The following KIF6 variants were observed in gnomAD, a reference collection of about 807,000 sequenced individuals.
The protein encoded by KIF6 is kinesin family member 6, also known as kinesin-like protein KIF6.
Under a neutral mutation model 112.7 loss-of-function variants are expected in KIF6, and 106 were observed. The observed-to-expected ratio is 0.94, with a 90% CI of 0.80 to 1.11. The LOEUF is 1.11. Ranked by LOEUF, KIF6 falls within the 50% of genes least tolerant of loss-of-function variation. The pLI, the probability that KIF6 is intolerant of heterozygous loss-of-function variation, is 0.00. For missense variants in KIF6, 929 were observed against 964.0 expected (o/e 0.96, Z 0.48); for synonymous variants, 339 against 339.9 (o/e 1.00, Z 0.03).
intron 13 of KIF6, among the ~76,000 whole-genome samples, chr6:39,535,838 A>G (rs1159403320): frequency 1.3e-5 from 2 of 152,144 alleles, no homozygotes; most frequent in Admixed American, 1.3e-4. Flanking sequence ...GCAAATGTAA[A>G]AGAACAGAAA....
intron 5 of KIF6, among the ~76,000 whole-genome samples, chr6:39,625,626 C>T (rs946835408): frequency 2.0e-5 from 3 of 152,016 alleles, no homozygotes; most frequent in Non-Finnish European, 2.9e-5. Context: ...CCTAGGAGTC[C>T]CCTCAAATCC....
At chr6:39,714,125 A>G (rs1376004115) in intron 3 of KIF6, among the ~76,000 whole-genome samples, 1 of 152,134 alleles carries the variant, frequency 6.6e-6, no homozygotes, top group Non-Finnish European at 1.5e-5. Context: ...TCCTATTAAT[A>G]AATTGGCATT....
intron 10 of KIF6, among the ~76,000 whole-genome samples, chr6:39,572,738 G>A (rs571264829): frequency 2.2e-5 from 3 of 134,724 alleles, no homozygotes; most frequent in East Asian, 4.5e-4. Context: ...AATCTTCACC[G>A]AAGAAGTTCT....
At chr6:39,425,793 C>CAA (rs549490182) in intron 14 of KIF6, among the ~76,000 whole-genome samples, 13 of 62,940 alleles carry the variant, frequency 2.1e-4, no homozygotes, top group Admixed American at 5.6e-4. Context: ...GATGTAAATA[C>CAA]AAAAAAAAAA....
chr6:39,722,419 AG>A (rs1790271604), intron 1 of KIF6, among the ~76,000 whole-genome samples: 1 of 152,116 alleles, frequency 6.6e-6, no homozygotes, highest in Admixed American at 6.5e-5. Context: ...GAGATAGTGA[AG>A]TTTTTTTTTT....
intron 14 of KIF6, among the ~76,000 whole-genome samples, chr6:39,421,560 C>G (rs1770362211): frequency 6.6e-6 from 1 of 152,146 alleles, no homozygotes; most frequent in Admixed American, 6.5e-5. Context: ...GCCAGAGTGC[C>G]ACGACTGCTC....
intron 6 of KIF6, among the ~76,000 whole-genome samples, 177 bp from the exon 7 acceptor site, chr6:39,596,437 C>G (rs575288579): frequency 3.8e-4 from 58 of 152,256 alleles, no homozygotes; most frequent in African/African-American, 1.4e-3. Context: ...TGTATTACCT[C>G]TTGGATTACT....
chr6:39,400,400 G>A (rs1768602333), intron 15 of KIF6, among the ~76,000 whole-genome samples: 1 of 152,190 alleles, frequency 6.6e-6, no homozygotes, highest in African/African-American at 2.4e-5. Flanking sequence ...GGTTAAATGT[G>A]TTCCTTTTTG....
Position 39,540,017 on chromosome 6 carries a change from A to T in KIF6, c.1631T>A (p.Leu544His), listed in dbSNP as rs1164295237. The stretch of plus-strand genomic sequence containing the variant: ...AGTCAACTGACCTATTTTCTTGTGG[A>T]GCAAACTGGATCTTTTCCCCAAAAT... ...FSILGKRSSL[L>H]HKKIGMREEM... Residue 544 changes from leucine (L) to histidine (H), a missense_variant, in exon 13 of 23, where the codon CTC becomes CAC. By Grantham distance (99) the Leu-to-His change is moderately conservative (BLOSUM62 -3). Coordinates refer to ENST00000287152, the MANE Select transcript of KIF6 (RefSeq NM_145027.6). The T allele has an allele frequency of 6.2e-7, 1 of 1,604,440 alleles. No individual in the cohort carries two copies. Among genetic ancestry groups the T allele is most frequent in the Non-Finnish European group, 8.5e-7 (1 of 1,176,522 alleles).
chr6:39,698,994 C>T, intron 3 of KIF6, among the ~76,000 whole-genome samples: 1 of 152,176 alleles, frequency 6.6e-6, no homozygotes, highest in East Asian at 1.9e-4. Context: ...TTTTGGCTTG[C>T]GTAGCAGCTG....
At chr6:39,424,613 T>C (rs1412112915) in intron 14 of KIF6, among the ~76,000 whole-genome samples, 2 of 152,208 alleles carry the variant, frequency 1.3e-5, no homozygotes, top group African/African-American at 4.8e-5. Flanking sequence ...CCTCACCTCT[T>C]AGCGACTGGG....
At position 39,378,441 on chromosome 6, in the gene KIF6, A is replaced by G. The variant is rs1766636777; in HGVS notation, c.1861+7181T>C. On this transcript the variant is annotated intron_variant, in intron 16 of 22. Coordinates refer to ENST00000287152, the MANE Select transcript of KIF6 (RefSeq NM_145027.6). This position sits in a 1 kb window ranked among gnomAD's most constrained non-coding sequence, Gnocchi z 5.0. ...ATACACATGCATACAACATATATCC[A>G]TACCACATACACACACACCACATGC... Among the ~76,000 whole-genome samples the G allele has an allele frequency of 6.6e-6, 1 of 152,098 alleles. No homozygotes were observed. The highest frequency in any genetic ancestry group is 1.5e-5 in the Non-Finnish European group (1 of 67,996).
chr6:39,680,215 C>T (rs1787435408), intron 3 of KIF6, among the ~76,000 whole-genome samples: 1 of 151,128 alleles, frequency 6.6e-6, no homozygotes, highest in South Asian at 2.1e-4. Flanking sequence ...GCCATGTTGG[C>T]CAGGCTGGTT....
At chr6:39,643,850 T>C (rs991302938) in intron 3 of KIF6, among the ~76,000 whole-genome samples, 3 of 152,098 alleles carry the variant, frequency 2.0e-5, no homozygotes, top group African/African-American at 7.2e-5. Context: ...AATTTTGTGT[T>C]TCAAAAGACA....
At chr6:39,676,318 C>T (rs961057801) in intron 3 of KIF6, among the ~76,000 whole-genome samples, 5 of 38,622 alleles carry the variant, frequency 1.3e-4, no homozygotes, top group Non-Finnish European at 3.0e-4. Context: ...GTGATGGAAT[C>T]GTTATCTTCA....
intron 13 of KIF6, among the ~76,000 whole-genome samples, chr6:39,436,638 GTA>G (rs1274050876): frequency 6.6e-6 from 1 of 151,940 alleles, no homozygotes; most frequent in Non-Finnish European, 1.5e-5. Flanking sequence ...TTTCCCCAGT[GTA>G]TGTTTTTGTC....
At chr6:39,437,577 G>A (rs1309120749) in intron 13 of KIF6, among the ~76,000 whole-genome samples, 1 of 152,158 alleles carries the variant, frequency 6.6e-6, no homozygotes, top group African/African-American at 2.4e-5. Context: ...CTGCCACCAT[G>A]CTACTGGACA....
chr6:39,584,418 A>T (rs1157663630), intron 9 of KIF6, among the ~76,000 whole-genome samples: 1 of 29,462 alleles, frequency 3.4e-5, no homozygotes, highest in Admixed American at 3.9e-4. Context: ...CTCTGTCTCT[A>T]AAAAAAAAAA....
At chr6:39,352,586 C>T (rs576080873) in intron 19 of KIF6, among the ~76,000 whole-genome samples, 1 of 149,122 alleles carries the variant, frequency 6.7e-6, no homozygotes, top group South Asian at 2.1e-4. Context: ...AGGTTCATCA[C>T]TTTTCATGGC....
Sources: allele counts gnomAD v4.1 joint callset (sites outside exome capture counted in the v4.1 genomes callset), GRCh38; gene constraint gnomAD v4.1.1; non-coding constraint Gnocchi (gnomAD v3.1); transcripts MANE v1.5; gene names NCBI Gene and HGNC (gene_info 2026-07-23, HGNC 2026-07-21).